The following PREP variants were observed in gnomAD, a reference collection of about 807,000 sequenced individuals.
PREP encodes dJ355L5.1 (prolyl endopeptidase).
A neutral mutation model predicts 87.6 loss-of-function variants in PREP; 29 were observed. The ratio of observed to expected loss-of-function variants is 0.33; its 90% CI spans 0.25 to 0.45. The LOEUF (loss-of-function observed/expected upper bound fraction) is 0.45. Among genes scored for constraint, PREP ranks in the 20% least tolerant of loss-of-function variants. The pLI, the probability that PREP is intolerant of heterozygous loss-of-function variation, is 1.00. For synonymous variants in PREP, 337 were observed against 328.6 expected (o/e 1.03, Z -0.28); for missense variants, 695 against 886.5 (o/e 0.78, Z 2.74).
chr6:105,397,931 T>TA lies in PREP; in HGVS notation c.46-5dup, dbSNP rs1331322545. 3 of 1,601,586 alleles carry TA rather than the reference T, an allele frequency of 1.9e-6. No individual in the cohort carries two copies. The highest frequency in any genetic ancestry group is 2.6e-6 in the Non-Finnish European group (3 of 1,168,652). ...TATGACCATGATAATCCTGTACCTG[T>TA]AAAAAACAAAATGAGGTATTAGATA... On this transcript the variant is annotated splice_region_variant and splice_polypyrimidine_tract_variant and intron_variant, in intron 1 of 14. Transcript: ENST00000652536.
At chr6:105,395,902 G>A (rs930881320) in intron 2 of PREP, among the ~76,000 whole-genome samples, 2 of 152,214 alleles carry the variant, frequency 1.3e-5, no homozygotes, top group Non-Finnish European at 2.9e-5. Context: ...TTTCTAGCCA[G>A]TACAGGTTAT....
chr6:105,372,337 C>G (rs571809406), intron 5 of PREP, among the ~76,000 whole-genome samples: 16 of 152,320 alleles, frequency 1.1e-4, no homozygotes, highest in Non-Finnish European at 2.1e-4. Flanking sequence ...TCCCAGCCCT[C>G]CAGCAAATTA....
intron 2 of PREP, among the ~76,000 whole-genome samples, chr6:105,377,984 C>T (rs1003163879): frequency 1.1e-4 from 16 of 152,332 alleles, no homozygotes; most frequent in African/African-American, 3.6e-4. Flanking sequence ...TCTGCATTTA[C>T]GCAGTGCCAT....
chr6:105,402,418 T>TCACACA (rs36086068), intron 1 of PREP, among the ~76,000 whole-genome samples: 6,752 of 147,172 alleles, frequency 0.046, 361 homozygotes, highest in African/African-American at 0.13. Flanking sequence ...AAATGTGACA[T>TCACACA]CACACACACA....
At chr6:105,363,245 T>C (rs1289720820) in intron 6 of PREP, among the ~76,000 whole-genome samples, 1 of 152,320 alleles carries the variant, frequency 6.6e-6, no homozygotes, top group East Asian at 1.9e-4. Context: ...CATTTTTTCC[T>C]TAATCCTTTC....
At chr6:105,360,226 A>T (rs952387275) in intron 6 of PREP, among the ~76,000 whole-genome samples, 1 of 152,318 alleles carries the variant, frequency 6.6e-6, no homozygotes, top group South Asian at 2.1e-4. Context: ...TTGTGCTGTG[A>T]GTCAGCTAAT....
chr6:105,305,587 A>G (rs1165369593), intron 10 of PREP, among the ~76,000 whole-genome samples: 1 of 152,214 alleles, frequency 6.6e-6, no homozygotes, highest in Non-Finnish European at 1.5e-5. Flanking sequence ...CACAAAGCAG[A>G]AATCCTGCTG....
chr6:105,350,607 T>C (rs60224040), intron 7 of PREP, among the ~76,000 whole-genome samples: 56,001 of 152,102 alleles, frequency 0.37, 14,594 homozygotes, highest in African/African-American at 0.75. Flanking sequence ...TAAATAGTCA[T>C]GATCATTGAT....
At chr6:105,353,261 C>T (rs1450268267) in intron 6 of PREP, among the ~76,000 whole-genome samples, 184 bp from the exon 7 acceptor site, 1 of 152,094 alleles carries the variant, frequency 6.6e-6, no homozygotes, top group Non-Finnish European at 1.5e-5. Context: ...TTATTTCACC[C>T]ATAATCACAG....
intron 2 of PREP, among the ~76,000 whole-genome samples, chr6:105,384,849 G>A (rs1772943345): frequency 6.6e-6 from 1 of 152,062 alleles, no homozygotes; most frequent in Admixed American, 6.5e-5. Flanking sequence ...GAGAAAAGCA[G>A]ATGACCTAAG....
chr6:105,318,184 AT>A (rs945175139), intron 10 of PREP, among the ~76,000 whole-genome samples: 6 of 148,662 alleles, frequency 4.0e-5, no homozygotes, highest in South Asian at 2.1e-4. Flanking sequence ...AGCTAGTCAC[AT>A]TTTTTTTTTC....
chr6:105,369,022 T>C lies in PREP; in HGVS notation c.598A>G (p.Thr200Ala). Residue 200 changes from threonine to alanine, a missense_variant and splice_region_variant, in exon 6 of 15, where the codon ACA becomes GCA. Transcript: ENST00000652536. ...TGGTGGAGATTGGTAGATGTCTCTG[T>C]GCCTGAAGGAGTTAAAAATGTACAC... The part of the protein sequence containing the change: ...YPQQDGKSDG[T>A]ETSTNLHQKL... 1 of 1,613,860 alleles carries C rather than the reference T, an allele frequency of 6.2e-7. No individual in the cohort carries two copies. The highest frequency in any genetic ancestry group is 8.5e-7 in the Non-Finnish European group (1 of 1,179,844).
chr6:105,396,647 G>A (rs1056361359), intron 2 of PREP, among the ~76,000 whole-genome samples: 5 of 151,910 alleles, frequency 3.3e-5, no homozygotes, highest in Middle Eastern at 3.2e-3. Flanking sequence ...AGACACAGGC[G>A]TTTGAAGACT....
intron 9 of PREP, among the ~76,000 whole-genome samples, chr6:105,328,205 T>C (rs1771223012): frequency 6.6e-6 from 1 of 152,192 alleles, no homozygotes; most frequent in African/African-American, 2.4e-5. Flanking sequence ...GTATCTGCAC[T>C]GTGTTCTCAT....
intron 2 of PREP, among the ~76,000 whole-genome samples, chr6:105,392,280 C>T (rs1248056234): frequency 2.6e-5 from 4 of 152,024 alleles, no homozygotes; most frequent in Non-Finnish European, 4.4e-5. Context: ...CCTCGTGATC[C>T]GCCCACCTTG....
At chr6:105,293,369 A>G (rs78368366) in intron 10 of PREP, among the ~76,000 whole-genome samples, 9,852 of 152,244 alleles carry the variant, frequency 0.065, 390 homozygotes, top group African/African-American at 0.12. Flanking sequence ...ATATTTATCA[A>G]TTAAGTTCAC....
At chr6:105,339,523 G>T (rs912329576) in intron 7 of PREP, among the ~76,000 whole-genome samples, 8 of 152,216 alleles carry the variant, frequency 5.3e-5, no homozygotes, top group Non-Finnish European at 1.2e-4. Flanking sequence ...AACAAAGCTG[G>T]ATGGAGAATG....
chr6:105,365,923 T>G (rs923953126), intron 6 of PREP, among the ~76,000 whole-genome samples: 2 of 151,920 alleles, frequency 1.3e-5, no homozygotes, highest in African/African-American at 4.8e-5. Flanking sequence ...TTCTGTGCAG[T>G]AGAGATGCAT....
intron 10 of PREP, among the ~76,000 whole-genome samples, chr6:105,306,717 G>A (rs545978744): frequency 3.9e-5 from 6 of 152,022 alleles, no homozygotes; most frequent in East Asian, 1.9e-4. Flanking sequence ...TGGAGTTTTC[G>A]GCTGTGCCCA....
Sources: allele counts gnomAD v4.1 joint callset (sites outside exome capture counted in the v4.1 genomes callset), GRCh38; gene constraint gnomAD v4.1.1; transcripts MANE v1.5; gene names NCBI Gene and HGNC (gene_info 2026-07-23, HGNC 2026-07-21).